The following GALNT17 variants were observed in gnomAD, a reference collection of about 807,000 sequenced individuals.
The protein encoded by GALNT17 is UDP-GalNAc:polypeptide N-acetylgalactosaminyltransferase-like 3.
A neutral mutation model predicts 63.7 loss-of-function variants in GALNT17; 29 were observed. The ratio of observed to expected loss-of-function variants is 0.46; its 90% CI spans 0.34 to 0.62. The LOEUF is 0.62. GALNT17 is among the 20% of genes least tolerant of loss of function. GALNT17 has a pLI of 0.01. For missense variants in GALNT17, 603 were observed against 799.6 expected, an observed-to-expected ratio of 0.75 and a Z score of 2.97; for synonymous variants, 305 against 318.3, an observed-to-expected ratio of 0.96 and a Z score of 0.45.
At position 71,155,176 on chromosome 7, in the gene GALNT17, C is replaced by T. The variant is rs143372790; in HGVS notation, c.238+22136C>T. On this transcript the variant is annotated intron_variant, in intron 1 of 10. Transcript: ENST00000333538. Reference sequence around the variant, plus strand: ...TGGACGACGGTTATCTGACATTGCTCATCATACCCAGTCTCTGAACCCTAG... The same window carrying T: ...TGGACGACGGTTATCTGACATTGCTTATCATACCCAGTCTCTGAACCCTAG... 3.4e-3 allele frequency among the ~76,000 whole-genome samples: 510 copies of T among 151,976 alleles called. 12 individuals are homozygous for T. Among genetic ancestry groups the T allele is most frequent in the African/African-American group, 0.012 (484 of 41,288 alleles).
intron 6 of GALNT17, among the ~76,000 whole-genome samples, chr7:71,640,702 A>G (rs972160243): frequency 1.3e-5 from 2 of 152,152 alleles, no homozygotes; most frequent in Non-Finnish European, 2.9e-5. Flanking sequence ...GTTAGTCTTT[A>G]GTAATCCTGT....
intron 5 of GALNT17, among the ~76,000 whole-genome samples, chr7:71,493,911 T>C (rs1788051555): frequency 6.6e-6 from 1 of 152,210 alleles, no homozygotes; most frequent in Admixed American, 6.5e-5. Flanking sequence ...TTGATGGGAT[T>C]GATAGATGTT....
At chr7:71,562,438 A>G (rs546697718) in intron 5 of GALNT17, among the ~76,000 whole-genome samples, 2 of 152,206 alleles carry the variant, frequency 1.3e-5, no homozygotes, top group Non-Finnish European at 2.9e-5. Flanking sequence ...CATCATGTAG[A>G]ATCAGTGGGA....
chr7:71,271,848 CT>C (rs1790594120), intron 1 of GALNT17, among the ~76,000 whole-genome samples: 1 of 152,196 alleles, frequency 6.6e-6, no homozygotes, highest in Non-Finnish European at 1.5e-5. Context: ...CAGCGTCGAC[CT>C]CCCAGGCTAA....
chr7:71,605,919 C>T (rs1790040606), intron 6 of GALNT17, among the ~76,000 whole-genome samples: 1 of 152,136 alleles, frequency 6.6e-6, no homozygotes, highest in Admixed American at 6.5e-5. Flanking sequence ...CACTGTAGCA[C>T]AGTGAATGAG....
At chr7:71,464,017 C>G (rs917115408) in intron 5 of GALNT17, among the ~76,000 whole-genome samples, 1 of 152,182 alleles carries the variant, frequency 6.6e-6, no homozygotes, top group African/African-American at 2.4e-5. Context: ...TTCACCCAGC[C>G]CCTATTCAAG....
chr7:71,615,501 G>A (rs1381765643), intron 6 of GALNT17, among the ~76,000 whole-genome samples: 1 of 112,098 alleles, frequency 8.9e-6, no homozygotes, highest in African/African-American at 3.4e-5. Context: ...TTTTGAGACA[G>A]AGTCTTACTC....
chr7:71,356,707 G>T (rs986441791), intron 2 of GALNT17, among the ~76,000 whole-genome samples: 4 of 152,150 alleles, frequency 2.6e-5, no homozygotes, highest in African/African-American at 9.7e-5. Flanking sequence ...AGTGGGCCCC[G>T]CCTCCAACTT....
rs111916165 is a variant in GALNT17 at position 71,407,617 on chromosome 7, G to A, written c.590-8272G>A. On this transcript the variant is annotated intron_variant, in intron 3 of 10. Coordinates refer to ENST00000333538, the MANE Select transcript of GALNT17 (RefSeq NM_022479.3). ...AATAAAATTAGCCGGACATGGTGGT[G>A]CATCCTTGTAGTCCCAGCTACTCAG... Among the ~76,000 whole-genome samples, 1,036 of 152,158 alleles carry A rather than the reference G, an allele frequency of 6.8e-3. 14 individuals carry two copies. The highest frequency in any genetic ancestry group is 0.024 in the African/African-American group (985 of 41,534).
chr7:71,265,253 A>G (rs535729943), intron 1 of GALNT17, among the ~76,000 whole-genome samples: 3 of 148,598 alleles, frequency 2.0e-5, no homozygotes, highest in Admixed American at 6.8e-5. Flanking sequence ...CAGCCTCCCA[A>G]GTAACTGGGA....
Position 71,504,344 on chromosome 7 carries a change from G to A in GALNT17, c.963-66941G>A, listed in dbSNP as rs574938881. ...TGGGTTGCGGAGGTTGCAGTGAGCC[G>A]AGATCGTACCGCTGCACCCTGGGCG... On this transcript the variant is annotated intron_variant, in intron 5 of 10. Transcript: ENST00000333538. Among the ~76,000 whole-genome samples, 122 of 152,060 alleles carry A rather than the reference G, an allele frequency of 8.0e-4. 1 individual carries two copies. The highest frequency in any genetic ancestry group is 2.8e-3 in the African/African-American group (115 of 41,458).
chr7:71,162,123 C>CCCTT (rs527578764), intron 1 of GALNT17, among the ~76,000 whole-genome samples: 10,743 of 53,664 alleles, frequency 0.2, 1,426 homozygotes, highest in East Asian at 0.4. Flanking sequence ...CTCCCTCCCT[C>CCCTT]CCTTCCTTCC....
intron 4 of GALNT17, among the ~76,000 whole-genome samples, chr7:71,419,666 G>A (rs1027409633): frequency 3.3e-5 from 5 of 152,088 alleles, no homozygotes; most frequent in African/African-American, 1.2e-4. Context: ...CTTGGGACCA[G>A]GTGGTGAGTG....
chr7:71,526,944 G>A (rs150717794), intron 5 of GALNT17, among the ~76,000 whole-genome samples: 10 of 152,238 alleles, frequency 6.6e-5, no homozygotes, highest in African/African-American at 1.9e-4. Flanking sequence ...CAGTCCATTC[G>A]TCTGCATCAC....
chr7:71,680,591 CCTCT>C lies in GALNT17; in HGVS notation c.1500+3292_1500+3295del, dbSNP rs1355550815. Among the ~76,000 whole-genome samples the C allele has an allele frequency of 1.1e-4, 3 of 27,740 alleles. 1 individual carries two copies. Among genetic ancestry groups the C allele is most frequent in the Non-Finnish European group, 2.0e-4 (2 of 9,782 alleles). The allele number at this position is 27,740 out of a possible 152,430, so 18.2% of individuals were successfully genotyped here. ...CCCTCCCTCTCTCCCTTCCTCCCTC[CCTCT>C]CTCTCTTCCTCCCTCCCTCTCTCCC... On this transcript the variant is annotated intron_variant, in intron 9 of 10. Transcript: ENST00000333538.
chr7:71,237,511 GAAAAAAAAAA>G (rs369921098), intron 1 of GALNT17, among the ~76,000 whole-genome samples: 4 of 78,124 alleles, frequency 5.1e-5, no homozygotes, highest in East Asian at 4.5e-4. Flanking sequence ...TCCCATCTCT[GAAAAAAAAAA>G]AAAAAAAAAA....
At chr7:71,208,326 C>T (rs1789312197) in intron 1 of GALNT17, among the ~76,000 whole-genome samples, 4 of 152,076 alleles carry the variant, frequency 2.6e-5, no homozygotes, top group African/African-American at 7.2e-5. Context: ...GGAGAAGGAG[C>T]CTCCCATTCA....
chr7:71,288,590 C>T (rs1388132181), intron 1 of GALNT17, among the ~76,000 whole-genome samples: 1 of 152,174 alleles, frequency 6.6e-6, no homozygotes, highest in African/African-American at 2.4e-5. Flanking sequence ...GGTGTTTGAA[C>T]ATCCTGAGTC....
At chr7:71,231,087 T>G (rs1037704042) in intron 1 of GALNT17, among the ~76,000 whole-genome samples, 1 of 152,162 alleles carries the variant, frequency 6.6e-6, no homozygotes, top group Non-Finnish European at 1.5e-5. Context: ...AGTAAGAAAT[T>G]CATTCACATT....
Sources: gnomAD v4.1 joint callset for allele counts (sites outside exome capture counted in the v4.1 genomes callset) on GRCh38, gnomAD v4.1.1 for gene constraint, MANE v1.5 for transcripts, NCBI Gene and HGNC (gene_info 2026-07-23, HGNC 2026-07-21) for gene names.